SMAD3: variants seen among roughly 807,000 people sequenced by gnomAD.
The protein encoded by SMAD3 is MAD homolog 3.
In SMAD3, 12 loss-of-function variants were observed where a neutral mutation model predicts 51.8. The ratio of observed to expected loss-of-function variants is 0.23; its 90% CI spans 0.15 to 0.38. The LOEUF (loss-of-function observed/expected upper bound fraction) is 0.38. SMAD3 is among the 10% of genes least tolerant of loss of function. SMAD3 has a pLI of 1.00. For missense variants in SMAD3, 294 were observed against 565.6 expected (o/e 0.52, Z 4.87); for synonymous variants, 238 against 227.7 (o/e 1.05, Z -0.41).
intron 1 of SMAD3, among the ~76,000 whole-genome samples, chr15:67,109,049 C>T (rs1407570236): frequency 5.9e-5 from 9 of 152,186 alleles, no homozygotes; most frequent in African/African-American, 9.7e-5. Flanking sequence ...AGTTATTATT[C>T]GTCTTCGTGT....
chr15:67,144,772 C>G (rs1035885248), intron 1 of SMAD3, among the ~76,000 whole-genome samples: 2 of 152,202 alleles, frequency 1.3e-5, no homozygotes, highest in Non-Finnish European at 2.9e-5. Context: ...AGGCTTGTGG[C>G]CTGATGCACG....
intron 5 of SMAD3, 92 bp from the exon 6 acceptor site, chr15:67,181,149 G>C: frequency 1.0e-6 from 1 of 956,318 alleles, no homozygotes; most frequent in African/African-American, 1.6e-5. Context: ...GAAATGCGGG[G>C]AAATGGTTTT....
Position 67,166,657 on chromosome 15 carries a change from C to G in SMAD3, c.533-122C>G. On this transcript the variant is annotated intron_variant, in intron 3 of 8. Transcript: ENST00000327367. ...AGAGCTGGAACCTCTACTCCAAGAC[C>G]TGGAGCTCCTACAGCCACGGATGCT... 5.4e-6 allele frequency: 4 copies of G among 736,352 alleles called. No homozygotes were observed. In the East Asian group the frequency reaches 1.1e-4, roughly 20 times the overall value. The allele number at this position is 736,352 out of a possible 1,614,324, so 45.6% of individuals were successfully genotyped here.
chr15:67,105,790 C>T (rs1370223542), intron 1 of SMAD3, among the ~76,000 whole-genome samples: 1 of 152,190 alleles, frequency 6.6e-6, no homozygotes, highest in East Asian at 1.9e-4. Context: ...GCTAATGCCT[C>T]CTGTTGCCCT....
rs1308314908 is a variant in SMAD3, at chr15:67,194,773, C to T, written c.*4237C>T. On this transcript the variant is annotated 3_prime_UTR_variant, in exon 9 of 9. Transcript: ENST00000327367. ...CGTGTAAAAACAGACAGCTCTGAGT[C>T]AAATCTGGGCCCTTCCACAAGGGTC... 1.3e-5 allele frequency: 3 copies of T among 232,268 alleles called. No homozygotes were observed. Among genetic ancestry groups the T allele is most frequent in the Admixed American group, 1.1e-4 (2 of 17,724 alleles). The allele number at this position is 232,268 out of a possible 1,614,324, so 14.4% of individuals were successfully genotyped here.
intron 1 of SMAD3, among the ~76,000 whole-genome samples, chr15:67,096,015 G>C (rs1435278687): frequency 6.6e-6 from 1 of 152,200 alleles, no homozygotes; most frequent in East Asian, 1.9e-4. Flanking sequence ...GTGAGTGTGA[G>C]ATGTCACATC....
At chr15:67,095,940 C>T (rs1175563937) in intron 1 of SMAD3, among the ~76,000 whole-genome samples, 2 of 152,230 alleles carry the variant, frequency 1.3e-5, no homozygotes, top group Non-Finnish European at 2.9e-5. Context: ...GCCCCATTCA[C>T]ATGTAGCATT....
Position 67,184,757 on chromosome 15 carries a change from G to T in SMAD3, c.902G>T (p.Gly301Val), listed in dbSNP as rs1370908199. 1 of 1,614,060 alleles carries T rather than the reference G, an allele frequency of 6.2e-7. No homozygotes were observed. Among genetic ancestry groups the T allele is most frequent in the East Asian group, 2.2e-5 (1 of 44,882 alleles). The part of the protein sequence containing the change: ...GRGVRLYYIG[G>V]EVFAECLSDS... ...GGCGTGCGGCTCTACTACATCGGAG[G>T]GGAGGTCTTCGCAGAGTGCCTCAGT... Residue 301 changes from glycine (G) to valine (V), a missense_variant, in exon 7 of 9, where the codon GGG becomes GTG. Transcript: ENST00000327367.
intron 5 of SMAD3, among the ~76,000 whole-genome samples, chr15:67,178,525 G>A (rs1962966756): frequency 6.6e-6 from 1 of 152,200 alleles, no homozygotes; most frequent in Admixed American, 6.5e-5. Flanking sequence ...GTACCACAGT[G>A]ATTGTACGGA....
chr15:67,068,358 TTGTA>T (rs1352250252), intron 1 of SMAD3, among the ~76,000 whole-genome samples: 2 of 152,178 alleles, frequency 1.3e-5, no homozygotes, highest in African/African-American at 2.4e-5. Flanking sequence ...CTGTGGATCT[TTGTA>T]TGTGCGGTTG....
At chr15:67,140,468 ACT>A (rs989864904) in intron 1 of SMAD3, among the ~76,000 whole-genome samples, 5 of 152,088 alleles carry the variant, frequency 3.3e-5, no homozygotes, top group Non-Finnish European at 7.4e-5. Flanking sequence ...TGCAGAATAA[ACT>A]CTGCTAGGAG....
intron 8 of SMAD3, among the ~76,000 whole-genome samples, chr15:67,189,782 T>C (rs1199995610): frequency 2.6e-5 from 4 of 152,088 alleles, no homozygotes; most frequent in African/African-American, 9.7e-5. Context: ...TTAGACAAAG[T>C]GCTTTGGGGA....
intron 1 of SMAD3, among the ~76,000 whole-genome samples, chr15:67,087,000 A>G (rs1436307688): frequency 6.6e-6 from 1 of 150,748 alleles, no homozygotes; most frequent in South Asian, 2.1e-4. Flanking sequence ...GGTTCAAGCG[A>G]TTCTCGTGCC....
At chr15:67,144,228 T>A (rs550106291) in intron 1 of SMAD3, among the ~76,000 whole-genome samples, 1 of 152,252 alleles carries the variant, frequency 6.6e-6, no homozygotes, top group South Asian at 2.1e-4. Flanking sequence ...TTCCTAAAAT[T>A]TTATATAAAT....
At chr15:67,133,387 C>T (rs1004855374) in intron 1 of SMAD3, among the ~76,000 whole-genome samples, 4 of 147,594 alleles carry the variant, frequency 2.7e-5, no homozygotes, top group South Asian at 4.3e-4. Context: ...ATTATATGCC[C>T]TTTTTTTTTT....
intron 5 of SMAD3, among the ~76,000 whole-genome samples, chr15:67,174,057 C>T (rs1488333314): frequency 5.9e-5 from 9 of 152,228 alleles, no homozygotes; most frequent in Admixed American, 5.2e-4. Context: ...ACACATGTGG[C>T]AGCCTTTCCC....
At chr15:67,163,360 T>C (rs1962482296) in intron 1 of SMAD3, among the ~76,000 whole-genome samples, 2 of 152,152 alleles carry the variant, frequency 1.3e-5, no homozygotes, top group Admixed American at 6.5e-5. Context: ...ACTGTATCCT[T>C]AGTGTCACAC....
At chr15:67,079,733 A>G (rs1014434238) in intron 1 of SMAD3, among the ~76,000 whole-genome samples, 1 of 152,218 alleles carries the variant, frequency 6.6e-6, no homozygotes, top group Non-Finnish European at 1.5e-5. Flanking sequence ...TTGAGGGGTC[A>G]GTGGCAGAAC....
At chr15:67,066,688 G>T (rs1002198362) in intron 1 of SMAD3, among the ~76,000 whole-genome samples, 4 of 152,184 alleles carry the variant, frequency 2.6e-5, no homozygotes, top group Non-Finnish European at 4.4e-5. Flanking sequence ...GCTGGGGCTG[G>T]AAGTTGAGGC....
Sources: allele counts gnomAD v4.1 joint callset (sites outside exome capture counted in the v4.1 genomes callset), GRCh38; gene constraint gnomAD v4.1.1; transcripts MANE v1.5; gene names NCBI Gene and HGNC (gene_info 2026-07-23, HGNC 2026-07-21).